Variants in KCTD3 observed in about 807,000 individuals in gnomAD.
The protein encoded by KCTD3 is BTB/POZ domain-containing protein KCTD3.
In KCTD3, 41 loss-of-function variants were observed where a neutral mutation model predicts 85.8. That is an observed-to-expected ratio of 0.48 (90% CI 0.37 to 0.62). KCTD3 has a LOEUF of 0.62. Ranked by LOEUF, KCTD3 falls within the 20% of genes least tolerant of loss-of-function variation. The pLI is 0.00. For synonymous variants in KCTD3, 338 were observed against 345.4 expected (o/e 0.98, Z 0.24); for missense variants, 724 against 989.9 (o/e 0.73, Z 3.60).
intron 10 of KCTD3, among the ~76,000 whole-genome samples, chr1:215,596,566 T>C (rs554590403): frequency 1.2e-4 from 19 of 152,218 alleles, no homozygotes; most frequent in Admixed American, 1.1e-3. Context: ...GAAATGACAT[T>C]AATTTTGGCA....
In KCTD3 at chr1:215,620,165, T is replaced by G. The variant is rs1355653488; in HGVS notation, c.1995T>G (p.Phe665Leu). The G allele has an allele frequency of 7.4e-6, 12 of 1,613,744 alleles. No homozygotes were observed. The Admixed American group carries it at 1.5e-4, about 20-fold the overall frequency. ...CAAGGGCAAGAAGGACTGAGAGCTT[T>G]CACAGTTATAGGGACTTCCAGACTA... ...LLARARRTES[F>L]HSYRDFQTIN... Residue 665 changes from phenylalanine to leucine, a missense_variant, in exon 18 of 18, where the codon TTT becomes TTG. Physicochemically the swap from Phe to Leu is conservative, Grantham distance 22 (BLOSUM62 0). Transcript: ENST00000259154.
In KCTD3 at chr1:215,594,388, G is replaced by T. The variant is rs145834170; in HGVS notation, c.818-968G>T. On this transcript the variant is annotated intron_variant, in intron 9 of 17. Transcript: ENST00000259154. ...AGAATTCTCTGCTTAGGCATTGCTG[G>T]GTCTTTTGCTACTGATGTGTGATAG... Among the ~76,000 whole-genome samples the T allele has an allele frequency of 1.7e-4, 26 of 152,164 alleles. No homozygotes were observed. In the Middle Eastern group the frequency reaches 0.01, roughly 60 times the overall value.
Position 215,567,397 on chromosome 1 carries a change from T to C in KCTD3, c.-289T>C, listed in dbSNP as rs1379029800. The stretch of plus-strand genomic sequence containing the variant: ...CCCAGGCAGGCTGCGGCGGCGTCGG[T>C]GGCAGCGGAGCACGGAGAAGAGGCC... On this transcript the variant is annotated 5_prime_UTR_variant, in exon 1 of 18. Coordinates refer to ENST00000259154, the MANE Select transcript of KCTD3 (RefSeq NM_016121.5). 4.9e-6 allele frequency: 1 copy of C among 202,948 alleles called. No individual in the cohort carries two copies. The highest frequency in any genetic ancestry group is 9.8e-6 in the Non-Finnish European group (1 of 102,534). 12.6% of individuals were successfully genotyped at this position (202,948 alleles called of 1,614,324 possible). A position where few individuals can be genotyped will look rare whatever the true frequency, so the allele number is the denominator to read the frequency against.
chr1:215,608,211 T>C (rs768359754), intron 14 of KCTD3, 39 bp downstream of exon 14: 4 of 1,463,528 alleles, frequency 2.7e-6, no homozygotes, highest in Non-Finnish European at 3.7e-6. Flanking sequence ...AGGTACTATA[T>C]TAACTGTTCA....
Position 215,595,482 on chromosome 1 carries a change from A to C in KCTD3, c.933+11A>C. The C allele has an allele frequency of 6.9e-7, 1 of 1,447,234 alleles. No homozygotes were observed. The highest frequency in any genetic ancestry group is 9.7e-7 in the Non-Finnish European group (1 of 1,029,234). 89.6% of individuals were successfully genotyped at this position (1,447,234 alleles called of 1,614,324 possible). ...ACTCAGCACTGGCAGGTTAGTTTAA[A>C]GCATATTACAGAAGTGAAAATATTT... On this transcript the variant is annotated intron_variant, in intron 10 of 17. Coordinates refer to ENST00000259154, the MANE Select transcript of KCTD3 (RefSeq NM_016121.5).
chr1:215,616,920 A>G (rs1166805909), intron 15 of KCTD3, among the ~76,000 whole-genome samples: 2 of 152,250 alleles, frequency 1.3e-5, no homozygotes, highest in East Asian at 1.9e-4. Flanking sequence ...GTCACCAGAA[A>G]GACCAAGATG....
At chr1:215,585,740 A>C (rs1443828186) in intron 8 of KCTD3, among the ~76,000 whole-genome samples, 4 of 152,196 alleles carry the variant, frequency 2.6e-5, no homozygotes, top group Non-Finnish European at 5.9e-5. Context: ...TAAAACCTAA[A>C]TTCAGATAGG....
chr1:215,567,724 G>A lies in KCTD3; in HGVS notation c.39G>A (p.Ala13=). The A allele has an allele frequency of 8.0e-7, 1 of 1,243,348 alleles. No individual in the cohort carries two copies. Among genetic ancestry groups the A allele is most frequent in the Admixed American group, 4.2e-5 (1 of 23,720 alleles). 77.0% of individuals were successfully genotyped at this position (1,243,348 alleles called of 1,614,324 possible). ...ACTGCGGCAGCTTCCCCGCGGCGGC[G>A]GCCGGCAGCGGCGAGATCGTCCAAC... ...GGHCGSFPAA[A]AGSGEIVQLN... The change falls in exon 1 of 18, where the codon GCG becomes GCA. Residue 13 remains alanine (A), a synonymous_variant. Transcript: ENST00000259154.
intron 13 of KCTD3, among the ~76,000 whole-genome samples, chr1:215,606,604 A>G (rs1655030895): frequency 6.6e-6 from 1 of 152,056 alleles, no homozygotes; most frequent in Non-Finnish European, 1.5e-5. Flanking sequence ...TTTGGTGGTT[A>G]TAATGTTATT....
At chr1:215,589,300 C>T (rs1009841342) in intron 9 of KCTD3, among the ~76,000 whole-genome samples, 17 of 152,100 alleles carry the variant, frequency 1.1e-4, no homozygotes, top group Admixed American at 2.6e-4. Flanking sequence ...GGCACCACCA[C>T]GCCTGGCTAT....
Sources: allele counts gnomAD v4.1 joint callset (sites outside exome capture counted in the v4.1 genomes callset), GRCh38; gene constraint gnomAD v4.1.1; transcripts MANE v1.5; gene names NCBI Gene and HGNC (gene_info 2026-07-23, HGNC 2026-07-21).